Variants in ARHGAP6 observed in about 807,000 individuals in gnomAD.
ARHGAP6 encodes the protein rho GTPase-activating protein 6.
ARHGAP6 carries 16 observed loss-of-function variants against 55.7 expected under a neutral mutation model. The observed-to-expected ratio is 0.29, with a 90% CI of 0.19 to 0.44. The LOEUF is 0.44. Ranked by LOEUF, ARHGAP6 falls within the 20% of genes least tolerant of loss-of-function variation. The pLI is 1.00. For missense variants in ARHGAP6, 698 were observed against 808.9 expected, an observed-to-expected ratio of 0.86 and a Z score of 1.66; for synonymous variants, 382 against 360.9, an observed-to-expected ratio of 1.06 and a Z score of -0.66.
chrX:11,609,942 G>C (rs772628505), intron 1 of ARHGAP6, among the ~76,000 whole-genome samples: 1 of 111,569 alleles, frequency 9.0e-6, no homozygotes, highest in Admixed American at 9.5e-5. Context: ...GCGTGTGCAG[G>C]TGAGCTGCTC....
intron 1 of ARHGAP6, among the ~76,000 whole-genome samples, chrX:11,381,078 T>C (rs2049257211): frequency 8.9e-6 from 1 of 112,847 alleles, no homozygotes; most frequent in Non-Finnish European, 1.9e-5. Flanking sequence ...AGTGAGGATG[T>C]ATTTAATCAA....
intron 1 of ARHGAP6, among the ~76,000 whole-genome samples, chrX:11,332,273 T>C (rs1244685901): frequency 1.8e-5 from 2 of 112,312 alleles, no homozygotes; most frequent in Non-Finnish European, 3.8e-5. Flanking sequence ...TGCTCAGGGC[T>C]TCCCTATGAC....
intron 1 of ARHGAP6, among the ~76,000 whole-genome samples, chrX:11,572,732 T>A (rs2051540455): frequency 8.9e-6 from 1 of 111,943 alleles, no homozygotes; most frequent in Admixed American, 9.4e-5. Flanking sequence ...TCAAATGGTA[T>A]TTCTAGTTCT....
intron 1 of ARHGAP6, among the ~76,000 whole-genome samples, chrX:11,433,653 GT>G (rs2049960951): frequency 1.8e-5 from 2 of 111,979 alleles, no homozygotes; most frequent in African/African-American, 3.2e-5. Flanking sequence ...TGTTTCAGTT[GT>G]CTAAAGCCTG....
At position 11,543,989 on chromosome X, in the gene ARHGAP6, C is replaced by T. The variant is rs189991385; in HGVS notation, c.588+120252G>A. 4.4e-5 allele frequency among the ~76,000 whole-genome samples: 5 copies of T among 112,576 alleles called. No individual in the cohort carries two copies. The South Asian group carries it at 1.4e-3, about 33-fold the overall frequency. The stretch of plus-strand genomic sequence containing the variant: ...ACCCAATTTTGTAAGAACAAGTGTA[C>T]AAGGAAATTGACTTAATGCTAAAGC... On this transcript the variant is annotated intron_variant, in intron 1 of 12. Coordinates refer to ENST00000337414, the MANE Select transcript of ARHGAP6 (RefSeq NM_013427.3).
intron 1 of ARHGAP6, among the ~76,000 whole-genome samples, chrX:11,662,273 C>A (rs2147211170): frequency 8.9e-6 from 1 of 111,880 alleles, no homozygotes; most frequent in East Asian, 2.8e-4. Context: ...GAAAGGTAAT[C>A]CAGGCCATTA....
chrX:11,265,136 C>T (rs956229330), intron 1 of ARHGAP6, among the ~76,000 whole-genome samples: 15 of 112,580 alleles, frequency 1.3e-4, no homozygotes, highest in African/African-American at 4.8e-4. Context: ...CCCCTCTTTC[C>T]ACCACCAAGC....
rs373808838 is a variant in ARHGAP6 at position 11,628,318 on chromosome X, A to G, written c.588+35923T>C. Among the ~76,000 whole-genome samples, 64 of 112,553 alleles carry G rather than the reference A, an allele frequency of 5.7e-4. 1 individual carries two copies. The East Asian group carries it at 7.0e-3, about 12-fold the overall frequency. Reference sequence around the variant, plus strand: ...GTGATTTCACAGACAATTATTTGAAAGATACAGGGAAAATTCTATTATGGT... The same window carrying G: ...GTGATTTCACAGACAATTATTTGAAGGATACAGGGAAAATTCTATTATGGT... On this transcript the variant is annotated intron_variant, in intron 1 of 12. Coordinates refer to ENST00000337414, the MANE Select transcript of ARHGAP6 (RefSeq NM_013427.3).
intron 9 of ARHGAP6, among the ~76,000 whole-genome samples, chrX:11,164,733 G>A (rs2045994854): frequency 8.9e-6 from 1 of 111,987 alleles, no homozygotes; most frequent in African/African-American, 3.3e-5. Context: ...CAGCTTACAA[G>A]GGTGGTGTCT....
At chrX:11,551,863 T>G (rs2051269846) in intron 1 of ARHGAP6, among the ~76,000 whole-genome samples, 2 of 111,748 alleles carry the variant, frequency 1.8e-5, no homozygotes, top group Non-Finnish European at 3.8e-5. Flanking sequence ...CCCCACAGCC[T>G]TCAGAAGGAA....
chrX:11,467,812 T>C (rs1159186512), intron 1 of ARHGAP6, among the ~76,000 whole-genome samples: 2 of 109,983 alleles, frequency 1.8e-5, no homozygotes, highest in East Asian at 5.7e-4. Flanking sequence ...AAACCCCATC[T>C]CTACTAAAAA....
chrX:11,177,648 G>A (rs2046251452), intron 8 of ARHGAP6, among the ~76,000 whole-genome samples: 1 of 111,655 alleles, frequency 9.0e-6, no homozygotes, highest in African/African-American at 3.3e-5. Flanking sequence ...TGCTCATAGT[G>A]CAGATGGGAG....
intron 1 of ARHGAP6, among the ~76,000 whole-genome samples, chrX:11,517,696 A>G (rs190979624): frequency 1.8e-5 from 2 of 111,545 alleles, no homozygotes; most frequent in Admixed American, 9.6e-5. Flanking sequence ...GGAAGTCACT[A>G]TCCACAGCAA....
chrX:11,391,493 G>T (rs1164417762), intron 1 of ARHGAP6, among the ~76,000 whole-genome samples: 1 of 98,873 alleles, frequency 1.0e-5, no homozygotes, highest in Non-Finnish European at 2.2e-5. Flanking sequence ...AAAAAAAAAA[G>T]CCAGAAAACT....
chrX:11,511,892 T>C, intron 1 of ARHGAP6, among the ~76,000 whole-genome samples: 1 of 111,310 alleles, frequency 9.0e-6, no homozygotes, highest in Admixed American at 9.5e-5. Context: ...AGTGGCATGA[T>C]CTCAGCTCAC....
intron 1 of ARHGAP6, among the ~76,000 whole-genome samples, chrX:11,534,332 CACTTAGGTTAAT>C (rs1416466325): frequency 1.8e-5 from 2 of 111,660 alleles, no homozygotes; most frequent in Non-Finnish European, 3.8e-5. Context: ...TACACCCTCA[CACTTAGGTTAAT>C]ACTATACCTC....
intron 1 of ARHGAP6, among the ~76,000 whole-genome samples, chrX:11,317,139 G>A (rs754142293): frequency 8.9e-6 from 1 of 112,340 alleles, no homozygotes; most frequent in South Asian, 3.7e-4. Context: ...AAATGTGGCT[G>A]GAAGCCTTTG....
At chrX:11,567,484 G>A (rs986869391) in intron 1 of ARHGAP6, among the ~76,000 whole-genome samples, 42 of 104,194 alleles carry the variant, frequency 4.0e-4, no homozygotes, top group Non-Finnish European at 7.7e-4. Context: ...AACCTGGGAG[G>A]TGGAGCTTGC....
intron 1 of ARHGAP6, among the ~76,000 whole-genome samples, chrX:11,566,114 T>C (rs2051438272): frequency 8.9e-6 from 1 of 112,169 alleles, no homozygotes. Flanking sequence ...CAACACATGG[T>C]ACTCATGGTG....
Sources: gnomAD v4.1 joint callset for allele counts (sites outside exome capture counted in the v4.1 genomes callset) on GRCh38, gnomAD v4.1.1 for gene constraint, MANE v1.5 for transcripts, NCBI Gene and HGNC (gene_info 2026-07-23, HGNC 2026-07-21) for gene names.